The following ACYP2 variants were observed in gnomAD, a reference collection of about 807,000 sequenced individuals.
ACYP2 encodes acylphosphatase-2.
In ACYP2, 12 loss-of-function variants were observed where a neutral mutation model predicts 11.2. That is an observed-to-expected ratio of 1.08 (90% CI 0.69 to 1.74). The LOEUF (loss-of-function observed/expected upper bound fraction) is 1.74. Among genes scored for constraint, ACYP2 ranks in the 40% most tolerant of loss-of-function variants. The probability of loss-of-function intolerance (pLI) is 0.00; values close to 1 mark genes in which losing one functional copy is unlikely to be tolerated. For missense variants in ACYP2, 134 were observed against 101.9 expected (o/e 1.31, Z -1.35); for synonymous variants, 43 against 32.2 (o/e 1.33, Z -1.13).
At chr2:54,077,745 A>G (rs1271680790) in intron 4 of ACYP2, among the ~76,000 whole-genome samples, 3 of 152,228 alleles carry the variant, frequency 2.0e-5, no homozygotes, top group Non-Finnish European at 4.4e-5. Flanking sequence ...CAGCAAACTA[A>G]GGCACAGAAA....
At chr2:54,267,696 G>A (rs1688099555) in intron 6 of ACYP2, among the ~76,000 whole-genome samples, 1 of 152,102 alleles carries the variant, frequency 6.6e-6, no homozygotes, top group Non-Finnish European at 1.5e-5. Context: ...TTCTGAAGAG[G>A]AGCCAATAGT....
At chr2:53,981,960 G>T (rs1480508170) in intron 2 of ACYP2, among the ~76,000 whole-genome samples, 1 of 152,054 alleles carries the variant, frequency 6.6e-6, no homozygotes, top group Non-Finnish European at 1.5e-5. Context: ...GAATTTTTCA[G>T]CACCACCAAA....
intron 2 of ACYP2, among the ~76,000 whole-genome samples, chr2:53,995,463 ATTATTTTTTATTTATTTAT>A (rs1215196070): frequency 4.1e-5 from 6 of 147,560 alleles, no homozygotes; most frequent in African/African-American, 7.6e-5. Flanking sequence ...ATTCAATGCT[ATTATTTTTTATTTATTTAT>A]TTATTTTTTA....
intron 6 of ACYP2, among the ~76,000 whole-genome samples, chr2:54,167,768 C>A (rs865825102): frequency 3.3e-5 from 5 of 151,970 alleles, no homozygotes; most frequent in Non-Finnish European, 4.4e-5. Flanking sequence ...ATACTTTGGG[C>A]TTTTATAAAC....
rs1231923803 is a variant in ACYP2 at position 54,201,618 on chromosome 2, T to C, written c.404+62870T>C. On this transcript the variant is annotated intron_variant, in intron 6 of 6. Transcript: ENST00000607452. Reference sequence around the variant, plus strand: ...TCTCTTTCTTTCTTTCTTTCTTTCTTTCTTTGTTTCTTTCTTTCTCTTTCT... The same window carrying C: ...TCTCTTTCTTTCTTTCTTTCTTTCTCTCTTTGTTTCTTTCTTTCTCTTTCT... 8.9e-4 allele frequency among the ~76,000 whole-genome samples: 91 copies of C among 102,064 alleles called. 1 individual carries two copies. Among genetic ancestry groups the C allele is most frequent in the African/African-American group, 2.8e-3 (70 of 24,988 alleles). 67.0% of individuals were successfully genotyped at this position (102,064 alleles called of 152,430 possible). A position where few individuals can be genotyped will look rare whatever the true frequency, so the allele number is the denominator to read the frequency against.
intron 6 of ACYP2, among the ~76,000 whole-genome samples, chr2:54,273,045 G>A (rs1157613279): frequency 2.0e-5 from 3 of 152,208 alleles, no homozygotes; most frequent in Admixed American, 6.5e-5. Flanking sequence ...AAGGATCAAG[G>A]TGGGAACAGT....
chr2:54,207,887 A>G (rs2103923989), intron 6 of ACYP2, among the ~76,000 whole-genome samples: 1 of 152,314 alleles, frequency 6.6e-6, no homozygotes, highest in African/African-American at 2.4e-5. Flanking sequence ...AATATTGGGC[A>G]ATTTTGAACG....
At chr2:54,231,596 A>G (rs1425740495) in intron 6 of ACYP2, among the ~76,000 whole-genome samples, 1 of 152,190 alleles carries the variant, frequency 6.6e-6, no homozygotes, top group Non-Finnish European at 1.5e-5. Context: ...TTGTTTCCTC[A>G]TGTATCAGTT....
intron 6 of ACYP2, among the ~76,000 whole-genome samples, chr2:54,266,808 A>G (rs1396279572): frequency 1.3e-5 from 2 of 151,250 alleles, no homozygotes; most frequent in African/African-American, 4.9e-5. Flanking sequence ...ACGGGGTTTC[A>G]CCGTGTTAGC....
At chr2:54,272,203 GC>G (rs1688335622) in intron 6 of ACYP2, among the ~76,000 whole-genome samples, 1 of 152,164 alleles carries the variant, frequency 6.6e-6, no homozygotes, top group African/African-American at 2.4e-5. Context: ...GATGCAGGCT[GC>G]CCATGTTAGG....
At chr2:54,135,336 T>C in intron 4 of ACYP2, 117 bp from the exon 2 acceptor site, 1 of 850,952 alleles carries the variant, frequency 1.2e-6, no homozygotes, top group Non-Finnish European at 1.9e-6. Context: ...TAAGTGAAAC[T>C]GCAGAAGGTG....
At chr2:54,177,646 C>T (rs1475058754) in intron 6 of ACYP2, among the ~76,000 whole-genome samples, 1 of 151,008 alleles carries the variant, frequency 6.6e-6, no homozygotes, top group Non-Finnish European at 1.5e-5. Context: ...GGCACGATCT[C>T]GGCTCACTGC....
intron 6 of ACYP2, among the ~76,000 whole-genome samples, chr2:54,240,109 C>T (rs1686669425): frequency 6.6e-6 from 1 of 152,084 alleles, no homozygotes; most frequent in South Asian, 2.1e-4. Context: ...TCTTATGTGA[C>T]CAAGTAGATG....
chr2:54,303,132 G>T (rs1254364074), intron 6 of ACYP2, among the ~76,000 whole-genome samples: 1 of 152,174 alleles, frequency 6.6e-6, no homozygotes, highest in Admixed American at 6.5e-5. Flanking sequence ...GAGGAGGGAG[G>T]ATTGCTTGAG....
chr2:54,121,202 G>A (rs919956966), intron 4 of ACYP2, among the ~76,000 whole-genome samples: 6 of 152,268 alleles, frequency 3.9e-5, no homozygotes, highest in East Asian at 1.9e-4. Flanking sequence ...GAGGGGACCC[G>A]AAGTGGGTAG....
chr2:53,977,914 A>C (rs894573467), intron 2 of ACYP2, among the ~76,000 whole-genome samples: 4 of 152,040 alleles, frequency 2.6e-5, no homozygotes, highest in African/African-American at 9.7e-5. Flanking sequence ...TGTTATGTTT[A>C]ATACAACCAT....
At position 54,081,992 on chromosome 2, in the gene ACYP2, A is replaced by G. The variant is rs571220683; in HGVS notation, c.277+24632A>G. Among the ~76,000 whole-genome samples the G allele has an allele frequency of 2.1e-4, 32 of 152,336 alleles. No homozygotes were observed. The South Asian group carries it at 6.4e-3, about 31-fold the overall frequency. On this transcript the variant is annotated intron_variant, in intron 4 of 6. Coordinates refer to ENST00000607452, the MANE Select transcript of ACYP2 (RefSeq NM_001320586.2). ...CAGTCATAATTCTAAAGCCTAAGAC[A>G]CAAGTATTTTTCAAGTCTCAGTTTG... is the stretch of plus-strand genomic sequence containing the variant.
At chr2:54,075,513 AAG>A (rs1677285356) in intron 4 of ACYP2, among the ~76,000 whole-genome samples, 1 of 122,824 alleles carries the variant, frequency 8.1e-6, no homozygotes, top group Non-Finnish European at 1.8e-5. Flanking sequence ...TAAAAAAAAA[AAG>A]AAAGAAAAAA....
At chr2:53,992,016 G>A (rs1249697156) in intron 2 of ACYP2, among the ~76,000 whole-genome samples, 1 of 151,418 alleles carries the variant, frequency 6.6e-6, no homozygotes, top group Non-Finnish European at 1.5e-5. Flanking sequence ...AAGAGCTCTT[G>A]CCCCTCTTTC....
Sources: gnomAD v4.1 joint callset for allele counts (sites outside exome capture counted in the v4.1 genomes callset) on GRCh38, gnomAD v4.1.1 for gene constraint, MANE v1.5 for transcripts, NCBI Gene and HGNC (gene_info 2026-07-23, HGNC 2026-07-21) for gene names.